Variants in RAPGEF4 observed in about 807,000 individuals in gnomAD.
RAPGEF4 encodes the protein RAP guanine-nucleotide-exchange factor (GEF) 4.
A neutral mutation model predicts 147.9 loss-of-function variants in RAPGEF4; 66 were observed. That is an observed-to-expected ratio of 0.45 (90% CI 0.37 to 0.55). RAPGEF4 has a LOEUF of 0.55. RAPGEF4 is among the 20% of genes least tolerant of loss of function. The pLI, the probability that RAPGEF4 is intolerant of heterozygous loss-of-function variation, is 0.00. For missense variants in RAPGEF4, 1,071 were observed against 1,257.3 expected (o/e 0.85, Z 2.24); for synonymous variants, 419 against 442.7 (o/e 0.95, Z 0.67).
intron 1 of RAPGEF4, among the ~76,000 whole-genome samples, chr2:172,771,512 T>C (rs979672399): frequency 4.6e-5 from 7 of 152,134 alleles, no homozygotes; most frequent in Non-Finnish European, 1.0e-4. Context: ...ATTTGAGAGA[T>C]TGTAATTGTG....
At chr2:172,889,908 T>C (rs2149897067) in intron 4 of RAPGEF4, 1 of 764,964 alleles carries the variant, frequency 1.3e-6, no homozygotes, top group East Asian at 1.3e-4. Flanking sequence ...ATTCCTGGGG[T>C]TTTATCTACC....
rs184333058 is a variant in RAPGEF4, at chr2:172,819,399, A to G, written c.444+4974A>G. On this transcript the variant is annotated intron_variant, in intron 4 of 30. Coordinates refer to ENST00000397081, the MANE Select transcript of RAPGEF4 (RefSeq NM_007023.4). ...GGGAGAGATAAATATTGGAGACAGT[A>G]TGTTTCTGAATTACATACAGAAGAA... Among the ~76,000 whole-genome samples, 368 of 149,818 alleles carry G rather than the reference A, an allele frequency of 2.5e-3. 1 individual carries two copies. The highest frequency in any genetic ancestry group is 8.3e-3 in the African/African-American group (340 of 40,760).
At chr2:172,988,649 C>T (rs1421803610) in intron 13 of RAPGEF4, 44 bp from the exon 14 acceptor site, 1 of 1,572,264 alleles carries the variant, frequency 6.4e-7, no homozygotes, top group African/African-American at 1.4e-5. Flanking sequence ...GGTGTTTGCT[C>T]TATTTCAGGG....
chr2:173,018,208 A>G (rs552411726), intron 21 of RAPGEF4, among the ~76,000 whole-genome samples: 196 of 152,330 alleles, frequency 1.3e-3, no homozygotes, highest in Middle Eastern at 0.01. Flanking sequence ...AAAGCACACA[A>G]GCCACTGAAG....
chr2:172,928,251 C>G, intron 6 of RAPGEF4: 1 of 453,222 alleles, frequency 2.2e-6, no homozygotes, highest in Non-Finnish European at 4.4e-6. Flanking sequence ...ATGGGGCAGA[C>G]TGTCGTTGCT....
At position 173,036,078 on chromosome 2, in the gene RAPGEF4, G is replaced by T. The variant is rs755500758; in HGVS notation, c.2701-47G>T. ...GTGTATTAGGAGGTAACAAAGGGTGGTGTATCTGTCACCAGTCATTACCAT... is the reference window on the plus strand; with the variant it reads ...GTGTATTAGGAGGTAACAAAGGGTGTTGTATCTGTCACCAGTCATTACCAT... On this transcript the variant is annotated intron_variant, in intron 27 of 30. Transcript: ENST00000397081. 2.9e-6 allele frequency: 4 copies of T among 1,369,372 alleles called. No homozygotes were observed. The African/African-American group carries it at 4.3e-5, about 15-fold the overall frequency. The allele number at this position is 1,369,372 out of a possible 1,614,324, so 84.8% of individuals were successfully genotyped here.
At chr2:172,991,210 G>T (rs112515784) in intron 15 of RAPGEF4, among the ~76,000 whole-genome samples, 18 of 152,190 alleles carry the variant, frequency 1.2e-4, no homozygotes, top group Non-Finnish European at 2.2e-4. Context: ...GGAACAGAAG[G>T]CGTGTGAGAG....
chr2:172,918,698 A>G (rs16861028), intron 5 of RAPGEF4, among the ~76,000 whole-genome samples: 2,004 of 152,246 alleles, frequency 0.013, 45 homozygotes, highest in African/African-American at 0.045. Flanking sequence ...GTTCGTTACC[A>G]TTGCATCTGT....
chr2:172,882,931 C>T (rs1426503250), intron 4 of RAPGEF4, among the ~76,000 whole-genome samples: 1 of 152,000 alleles, frequency 6.6e-6, no homozygotes, highest in African/African-American at 2.4e-5. Context: ...TTAGTTGCTT[C>T]AAGTCCAATT....
chr2:172,772,764 C>T (rs1245853120), intron 1 of RAPGEF4, among the ~76,000 whole-genome samples: 1 of 152,202 alleles, frequency 6.6e-6, no homozygotes, highest in Non-Finnish European at 1.5e-5. Context: ...AGGTGCTGTG[C>T]GTCAGATGTG....
Position 172,961,223 on chromosome 2 carries a change from A to G in RAPGEF4, c.693A>G (p.Thr231=), listed in dbSNP as rs35955389. Residue 231 remains threonine (T), a synonymous_variant, in exon 8 of 31, where the codon ACA becomes ACG. Transcript: ENST00000397081. Reference sequence around the variant, plus strand: ...GAGATAGAAAATACCACCTAAAGACATACAGGTATGTGTGCTAATTCTAAA... The same window carrying G: ...GAGATAGAAAATACCACCTAAAGACGTACAGGTATGTGTGCTAATTCTAAA... ...MIRDRKYHLK[T]YRQCCVGTEL... The G allele has an allele frequency of 3.2e-3, 5,009 of 1,583,624 alleles. 118 individuals carry two copies. The African/African-American group carries it at 0.052, about 17-fold the overall frequency.
At chr2:172,747,266 G>GTAT (rs1694864268) in intron 1 of RAPGEF4, among the ~76,000 whole-genome samples, 1 of 152,112 alleles carries the variant, frequency 6.6e-6, no homozygotes, top group Admixed American at 6.5e-5. Context: ...TTGCTTTGGT[G>GTAT]TATGTATACA....
chr2:172,843,983 G>A (rs1691895476), intron 4 of RAPGEF4, among the ~76,000 whole-genome samples: 1 of 152,168 alleles, frequency 6.6e-6, no homozygotes, highest in African/African-American at 2.4e-5. Flanking sequence ...TGGTATTTTT[G>A]CCGTTAAATT....
chr2:173,022,053 A>T (rs1031224), intron 23 of RAPGEF4, among the ~76,000 whole-genome samples: 1,809 of 152,226 alleles, frequency 0.012, 39 homozygotes, highest in East Asian at 0.054. Context: ...GGGGAAAAAA[A>T]TGTCATAAAT....
chr2:172,773,650 C>CACACTGCCCCCT (rs1388798300), intron 1 of RAPGEF4, among the ~76,000 whole-genome samples: 3 of 151,982 alleles, frequency 2.0e-5, no homozygotes, highest in South Asian at 2.1e-4. Flanking sequence ...CACTGCCCCC[C>CACACTGCCCCCT]CCGCGGACCA....
At chr2:172,874,100 G>A (rs1695572364) in intron 4 of RAPGEF4, among the ~76,000 whole-genome samples, 1 of 152,122 alleles carries the variant, frequency 6.6e-6, no homozygotes, top group African/African-American at 2.4e-5. Flanking sequence ...ACTGTTGGTG[G>A]GAGTATAAAT....
rs36094379 is a variant in RAPGEF4 at position 172,744,817 on chromosome 2, G to GT, written c.65+8778dup. ...CACATTAGTTGTCTTTCATGTAGTT[G>GT]TTTTTTTTTAGCAAATTCCCTTTTC... On this transcript the variant is annotated intron_variant, in intron 1 of 30. Coordinates refer to ENST00000397081, the MANE Select transcript of RAPGEF4 (RefSeq NM_007023.4). 3.2e-3 allele frequency among the ~76,000 whole-genome samples: 488 copies of GT among 150,312 alleles called. 1 individual carries two copies. The highest frequency in any genetic ancestry group is 1.0e-2 in the African/African-American group (409 of 40,956).
rs369551326 is a variant in RAPGEF4 at position 172,904,741 on chromosome 2, T to C, written c.445-13061T>C. ...ACCCGATACACCACTTCCCTCTCTC[T>C]TTCCTCCCTCTTTTCCCCATTTCCA... is the stretch of plus-strand genomic sequence containing the variant. On this transcript the variant is annotated intron_variant, in intron 4 of 30. Coordinates refer to ENST00000397081, the MANE Select transcript of RAPGEF4 (RefSeq NM_007023.4). Among the ~76,000 whole-genome samples, 146 of 151,994 alleles carry C rather than the reference T, an allele frequency of 9.6e-4. No individual in the cohort carries two copies. In the South Asian group the frequency reaches 0.017, roughly 18 times the overall value.
intron 23 of RAPGEF4, among the ~76,000 whole-genome samples, chr2:173,021,343 A>G (rs1169056929): frequency 6.6e-6 from 1 of 152,226 alleles, no homozygotes; most frequent in Non-Finnish European, 1.5e-5. Context: ...GTAGCTAGTA[A>G]CATATCTTAG....
Sources: allele counts gnomAD v4.1 joint callset (sites outside exome capture counted in the v4.1 genomes callset), GRCh38; gene constraint gnomAD v4.1.1; transcripts MANE v1.5; gene names NCBI Gene and HGNC (gene_info 2026-07-23, HGNC 2026-07-21).